Variants in LAMA2 observed in about 807,000 individuals in gnomAD.
LAMA2 encodes laminin subunit alpha-2.
A neutral mutation model predicts 364.8 loss-of-function variants in LAMA2; 269 were observed. The ratio of observed to expected loss-of-function variants is 0.74; its 90% CI spans 0.67 to 0.82. The LOEUF is 0.82. Ranked by LOEUF, LAMA2 falls within the 40% of genes least tolerant of loss-of-function variation. The pLI is 0.00. For missense variants in LAMA2, 3,807 were observed against 3,873.2 expected, an observed-to-expected ratio of 0.98 and a Z score of 0.45; for synonymous variants, 1,379 against 1,370.6, an observed-to-expected ratio of 1.01 and a Z score of -0.14.
At chr6:129,269,769 C>A (rs1342643521) in intron 16 of LAMA2, among the ~76,000 whole-genome samples, 1 of 151,860 alleles carries the variant, frequency 6.6e-6, no homozygotes, top group Admixed American at 6.6e-5. Flanking sequence ...AAAATCAAAT[C>A]GGGGAAAAAA....
At position 129,450,929 on chromosome 6, in the gene LAMA2, T is replaced by C. The variant is rs1562575582; in HGVS notation, c.6430-2059T>C. On this transcript the variant is annotated intron_variant, in intron 45 of 64. Coordinates refer to ENST00000421865, the MANE Select transcript of LAMA2 (RefSeq NM_000426.4). ...AAATTTTCTCAATGCCAAGGTCTTCTCTGATAATGATTTTGGTTCACTTTC... is the reference window on the plus strand; with the variant it reads ...AAATTTTCTCAATGCCAAGGTCTTCCCTGATAATGATTTTGGTTCACTTTC... Among the ~76,000 whole-genome samples, 2 of 152,328 alleles carry C rather than the reference T, an allele frequency of 1.3e-5. 1 individual carries two copies. Among genetic ancestry groups the C allele is most frequent in the Middle Eastern group, 6.8e-3 (2 of 294 alleles).
At chr6:129,387,370 A>G (rs1263549296) in intron 35 of LAMA2, among the ~76,000 whole-genome samples, 2 of 152,228 alleles carry the variant, frequency 1.3e-5, no homozygotes, top group Admixed American at 6.5e-5. Flanking sequence ...ATATGACACC[A>G]GTCAGATTGG....
intron 18 of LAMA2, among the ~76,000 whole-genome samples, chr6:129,281,104 A>G (rs762406072): frequency 6.6e-6 from 1 of 152,168 alleles, no homozygotes; most frequent in Non-Finnish European, 1.5e-5. Flanking sequence ...CCTAGCAGCA[A>G]CAAGTACTAT....
chr6:129,486,606 G>T lies in LAMA2; in HGVS notation c.7882G>T (p.Val2628Leu), dbSNP rs1784598792. The part of the protein sequence containing the change: ...FHDGREHSVH[V>L]ERTRGIFTVQ... ...TGATGGAAGAGAACATTCCGTTCATGTAGAGCGAACTAGAGGGTAACAATA... is the reference window on the plus strand; with the variant it reads ...TGATGGAAGAGAACATTCCGTTCATTTAGAGCGAACTAGAGGGTAACAATA... Residue 2628 changes from valine (V) to leucine (L), a missense_variant, in exon 56 of 65, where the codon GTA becomes TTA. Transcript: ENST00000421865. 1 of 1,613,902 alleles carries T rather than the reference G, an allele frequency of 6.2e-7. No homozygotes were observed. The highest frequency in any genetic ancestry group is 8.5e-7 in the Non-Finnish European group (1 of 1,179,816).
intron 1 of LAMA2, among the ~76,000 whole-genome samples, chr6:128,994,922 T>C (rs1406049059): frequency 2.0e-5 from 3 of 152,124 alleles, no homozygotes; most frequent in Non-Finnish European, 4.4e-5. Context: ...GGACCAGATA[T>C]TTAGTAAAGA....
rs150691000 is a variant in LAMA2 at position 129,401,309 on chromosome 6, G to T, written c.5531G>T (p.Arg1844Leu). Residue 1844 changes from arginine (R) to leucine (L), a missense_variant, in exon 38 of 65, where the codon CGT (arginine) becomes CTT (leucine). Around this residue, in one of 3 missense-constraint regions of LAMA2, gnomAD observed 3,333 missense variants for 3,345.7 expected, o/e 1.00. Coordinates refer to ENST00000421865, the MANE Select transcript of LAMA2 (RefSeq NM_000426.4). ...AATGACATACTCGATGAAGCCAACC[G>T]TCTTGCAGATGAAATCAACTCCATC... ...EGNDILDEANRLADEINSIID... is the reference protein window; with the variant it reads ...EGNDILDEANLLADEINSIID... The T allele has an allele frequency of 2.5e-6, 4 of 1,610,742 alleles. No individual in the cohort carries two copies. Among genetic ancestry groups the T allele is most frequent in the Non-Finnish European group, 3.4e-6 (4 of 1,177,134 alleles).
intron 2 of LAMA2, among the ~76,000 whole-genome samples, chr6:129,051,629 T>C (rs1004284333): frequency 6.7e-6 from 1 of 149,972 alleles, no homozygotes; most frequent in East Asian, 1.9e-4. Flanking sequence ...GGTAGATATA[T>C]ATTATATGTA....
chr6:129,147,808 T>G (rs576039802), intron 6 of LAMA2, among the ~76,000 whole-genome samples: 54 of 152,254 alleles, frequency 3.5e-4, no homozygotes, highest in African/African-American at 1.3e-3. Context: ...GCTAGTTTTC[T>G]GATGATTGGA....
chr6:129,193,593 T>C (rs1313737854), intron 12 of LAMA2, among the ~76,000 whole-genome samples: 1 of 152,220 alleles, frequency 6.6e-6, no homozygotes, highest in African/African-American at 2.4e-5. Context: ...ATTTGGTGAC[T>C]TATTTATAAA....
intron 58 of LAMA2, among the ~76,000 whole-genome samples, chr6:129,495,447 G>A (rs1785112330): frequency 6.6e-6 from 1 of 152,244 alleles, no homozygotes; most frequent in South Asian, 2.1e-4. Flanking sequence ...CAGCTCAGGG[G>A]ACAGTGTGAC....
At chr6:129,471,317 A>G (rs1230948161) in intron 51 of LAMA2, among the ~76,000 whole-genome samples, 1 of 151,974 alleles carries the variant, frequency 6.6e-6, no homozygotes, top group African/African-American at 2.4e-5. Context: ...CCTTTAAGTC[A>G]GTAAAAATAT....
intron 32 of LAMA2, among the ~76,000 whole-genome samples, chr6:129,354,110 T>C (rs1777021591): frequency 6.6e-6 from 1 of 152,220 alleles, no homozygotes; most frequent in African/African-American, 2.4e-5. Flanking sequence ...TTAGCACCTT[T>C]TATTTCAACA....
chr6:129,207,224 C>T (rs556156536), intron 12 of LAMA2, among the ~76,000 whole-genome samples: 5 of 152,218 alleles, frequency 3.3e-5, no homozygotes, highest in African/African-American at 1.2e-4. Flanking sequence ...TACCATATGA[C>T]GTTTCCTTCA....
rs1401044614 is a variant in LAMA2 at position 129,479,446 on chromosome 6, C to CTGT, written c.7572+635_7572+637dup. On this transcript the variant is annotated intron_variant, in intron 54 of 64. Coordinates refer to ENST00000421865, the MANE Select transcript of LAMA2 (RefSeq NM_000426.4). ...CCTATTTTCGTTTAACTATTTTGCA[C>CTGT]TGTTTCTTCAGTTGACACTGACCCA... Among the ~76,000 whole-genome samples, 5 of 152,184 alleles carry CTGT rather than the reference C, an allele frequency of 3.3e-5. No homozygotes were observed. The East Asian group carries it at 5.8e-4, about 18-fold the overall frequency.
intron 12 of LAMA2, among the ~76,000 whole-genome samples, chr6:129,217,720 A>C (rs1783516239): frequency 6.6e-6 from 1 of 152,166 alleles, no homozygotes; most frequent in South Asian, 2.1e-4. Flanking sequence ...AATACTTCAC[A>C]TACAGAAAAA....
In LAMA2 at chr6:129,083,555, A is replaced by C. The variant is rs187454912; in HGVS notation, c.397-14618A>C. On this transcript the variant is annotated intron_variant, in intron 3 of 64. Coordinates refer to ENST00000421865, the MANE Select transcript of LAMA2 (RefSeq NM_000426.4). The stretch of plus-strand genomic sequence containing the variant: ...AATAAAAACAAACAAACAAAAAACA[A>C]CACCAAATCAAATGACTGTTGATGG... 5.9e-5 allele frequency among the ~76,000 whole-genome samples: 9 copies of C among 152,352 alleles called. No homozygotes were observed. The East Asian group carries it at 7.7e-4, about 13-fold the overall frequency.
At chr6:129,043,751 G>C (rs1235524863) in intron 1 of LAMA2, among the ~76,000 whole-genome samples, 1 of 151,966 alleles carries the variant, frequency 6.6e-6, no homozygotes, top group Non-Finnish European at 1.5e-5. Context: ...GTTTTGTTAT[G>C]TTCCTCTGAA....
chr6:129,272,285 T>A (rs1787992349), intron 17 of LAMA2, among the ~76,000 whole-genome samples: 1 of 152,172 alleles, frequency 6.6e-6, no homozygotes, highest in Non-Finnish European at 1.5e-5. Flanking sequence ...TTCCATACTT[T>A]CCAGCTGTGC....
intron 4 of LAMA2, among the ~76,000 whole-genome samples, chr6:129,112,794 A>T (rs78150624): frequency 6.6e-6 from 1 of 151,862 alleles, no homozygotes; most frequent in African/African-American, 2.4e-5. Context: ...AAAATGTGGA[A>T]GGGAGTGATG....
Sources: allele counts gnomAD v4.1 joint callset (sites outside exome capture counted in the v4.1 genomes callset), GRCh38; gene constraint gnomAD v4.1.1; regional missense constraint gnomAD v4.1.1; transcripts MANE v1.5; gene names NCBI Gene and HGNC (gene_info 2026-07-23, HGNC 2026-07-21).